The following TXNL4A variants were observed in gnomAD, a reference collection of about 807,000 sequenced individuals.
TXNL4A encodes the protein thioredoxin like 4A.
In TXNL4A, 17 loss-of-function variants were observed where a neutral mutation model predicts 14.6. That is an observed-to-expected ratio of 1.16 (90% CI 0.80 to 1.74). The LOEUF is 1.74. Among genes scored for constraint, TXNL4A ranks in the 40% most tolerant of loss-of-function variants. TXNL4A has a pLI of 0.00. For synonymous variants in TXNL4A, 83 were observed against 70.6 expected (o/e 1.18, Z -0.88); for missense variants, 74 against 195.2 (o/e 0.38, Z 3.70).
At chr18:80,010,792 TC>T (rs1224024762) in intron 1 of TXNL4A, among the ~76,000 whole-genome samples, 1 of 151,974 alleles carries the variant, frequency 6.6e-6, no homozygotes, top group Non-Finnish European at 1.5e-5. Context: ...CAGCCTGATT[TC>T]CCCCCACCCC....
chr18:80,023,346 G>A (rs1370363344), intron 1 of TXNL4A, among the ~76,000 whole-genome samples: 1 of 152,178 alleles, frequency 6.6e-6, no homozygotes, highest in African/African-American at 2.4e-5. Context: ...TAGGAAACTA[G>A]AAGTTTGGGG....
At chr18:80,032,565 C>T (rs546412855) in intron 1 of TXNL4A, among the ~76,000 whole-genome samples, 2 of 152,146 alleles carry the variant, frequency 1.3e-5, no homozygotes, top group African/African-American at 2.4e-5. Context: ...GGTGGCCAGG[C>T]GCGGTGGCTC....
chr18:80,029,727 C>T (rs569637816), intron 1 of TXNL4A, among the ~76,000 whole-genome samples: 2 of 152,302 alleles, frequency 1.3e-5, no homozygotes, highest in South Asian at 4.2e-4. Context: ...CCTAGTGCTG[C>T]TTAAACTCCA....
At chr18:79,990,861 T>A (rs375371104), upstream of TXNL4A, among the ~76,000 whole-genome samples, 161 of 152,150 alleles carry the variant, frequency 1.1e-3, 1 homozygote, top group East Asian at 0.028. Flanking sequence ...TCCCAGCACT[T>A]TGGGAGGCCG....
upstream of TXNL4A, among the ~76,000 whole-genome samples, chr18:79,990,221 A>G (rs2051617113): frequency 6.6e-6 from 1 of 152,258 alleles, no homozygotes; most frequent in Non-Finnish European, 1.5e-5. Flanking sequence ...TTTTTACATA[A>G]TACAGAATAT....
At position 80,024,668 on chromosome 18, in the gene TXNL4A, G is replaced by A. The variant is rs1455665061; in HGVS notation, c.-61+9183C>T. Among the ~76,000 whole-genome samples, 5 of 152,268 alleles carry A rather than the reference G, an allele frequency of 3.3e-5. No individual in the cohort carries two copies. The East Asian group carries it at 7.7e-4, about 24-fold the overall frequency. Reference sequence around the variant, plus strand: ...GTCTGGGAGAAACGCTCCCTAAGACGTGCAGCAGCTCCAAATAGGTTTCCT... The same window carrying A: ...GTCTGGGAGAAACGCTCCCTAAGACATGCAGCAGCTCCAAATAGGTTTCCT... On this transcript the variant is annotated intron_variant, in intron 1 of 2. Transcript: ENST00000585474.
upstream of TXNL4A, among the ~76,000 whole-genome samples, chr18:79,989,980 A>G (rs1424037462): frequency 6.6e-6 from 1 of 151,654 alleles, no homozygotes; most frequent in African/African-American, 2.4e-5. Context: ...TGGGTGACAG[A>G]GTGAGACTCC....
chr18:80,028,514 C>T (rs1436638418), intron 1 of TXNL4A, among the ~76,000 whole-genome samples: 4 of 152,198 alleles, frequency 2.6e-5, no homozygotes, highest in Non-Finnish European at 4.4e-5. Flanking sequence ...TGACTTCTCA[C>T]CTCCAGGACA....
intron 1 of TXNL4A, among the ~76,000 whole-genome samples, chr18:80,021,620 C>A (rs1184842819): frequency 6.6e-6 from 1 of 152,182 alleles, no homozygotes; most frequent in African/African-American, 2.4e-5. Context: ...TTAGGAACCA[C>A]TGGATGGATT....
At chr18:79,999,557 AG>A (rs1309606254) in intron 1 of TXNL4A, among the ~76,000 whole-genome samples, 2 of 150,584 alleles carry the variant, frequency 1.3e-5, no homozygotes, top group Middle Eastern at 3.2e-3. Flanking sequence ...AAAAAAAAAA[AG>A]CTATTCTAAA....
At chr18:79,983,789 T>C (rs1456266570) in intron 1 of TXNL4A, among the ~76,000 whole-genome samples, 3 of 152,110 alleles carry the variant, frequency 2.0e-5, no homozygotes, top group African/African-American at 7.2e-5. Flanking sequence ...GTGACAGGAG[T>C]GCTCTAGAAA....
At chr18:79,998,076 G>C (rs545200821) in intron 1 of TXNL4A, among the ~76,000 whole-genome samples, 1 of 152,030 alleles carries the variant, frequency 6.6e-6, no homozygotes, top group Admixed American at 6.5e-5. Flanking sequence ...GGTGGATCAC[G>C]AGGTCAGGAG....
chr18:79,983,847 C>T (rs1238900013), intron 1 of TXNL4A, among the ~76,000 whole-genome samples: 1 of 152,202 alleles, frequency 6.6e-6, no homozygotes, highest in Admixed American at 6.5e-5. Context: ...CAAGTATGCC[C>T]TTTTTACAGG....
intron 1 of TXNL4A, among the ~76,000 whole-genome samples, chr18:80,022,316 C>T (rs1209672124): frequency 6.6e-6 from 1 of 151,930 alleles, no homozygotes; most frequent in African/African-American, 2.4e-5. Flanking sequence ...GGGTTTTTTT[C>T]TTGACTCTGG....
intron 1 of TXNL4A, among the ~76,000 whole-genome samples, chr18:80,014,510 C>T (rs1267123252): frequency 2.0e-5 from 3 of 152,190 alleles, no homozygotes; most frequent in Non-Finnish European, 4.4e-5. Context: ...CTTCGGGTCT[C>T]GCATCCAGGT....
chr18:80,012,053 C>T (rs12607144), intron 1 of TXNL4A, among the ~76,000 whole-genome samples: 17,038 of 152,074 alleles, frequency 0.11, 1,167 homozygotes, highest in East Asian at 0.27. Context: ...GCTCTGGACG[C>T]GCCTTTTAAA....
chr18:80,019,316 T>C (rs1017497652), intron 1 of TXNL4A, among the ~76,000 whole-genome samples: 4 of 152,134 alleles, frequency 2.6e-5, no homozygotes, highest in Non-Finnish European at 5.9e-5. Context: ...TCTTACATGG[T>C]GGCAGCAAGA....
rs1422294605 is a variant in TXNL4A, at chr18:79,971,330, CTTTT to C, written c.*2351_*2354del. 3 of 152,256 alleles carry C rather than the reference CTTTT, an allele frequency of 2.0e-5. No individual in the cohort carries two copies. Among genetic ancestry groups the C allele is most frequent in the Admixed American group, 1.3e-4 (2 of 15,270 alleles). 9.4% of individuals were successfully genotyped at this position (152,256 alleles called of 1,614,324 possible). The stretch of plus-strand genomic sequence containing the variant: ...GGTCAAATGGTAACACCATGTTTAT[CTTTT>C]TTTATTTTTTTGAGACAGGGTCTTG... On this transcript the variant is annotated 3_prime_UTR_variant, in exon 3 of 3. Transcript: ENST00000269601.
At position 79,981,679 on chromosome 18, in the gene TXNL4A, C is replaced by T. The variant is rs1369186013; in HGVS notation, c.154-3978G>A. Among the ~76,000 whole-genome samples the T allele has an allele frequency of 2.0e-5, 3 of 152,090 alleles. 1 individual carries two copies. The highest frequency in any genetic ancestry group is 1.3e-4 in the Admixed American group (2 of 15,266). On this transcript the variant is annotated intron_variant, in intron 1 of 2. Transcript: ENST00000269601. The stretch of plus-strand genomic sequence containing the variant: ...AAAGCGAGACTCCTTCTCAAACTAA[C>T]AACAACAACAATAATCAGAGGGCAA...
Sources: allele counts gnomAD v4.1 joint callset (sites outside exome capture counted in the v4.1 genomes callset), GRCh38; gene constraint gnomAD v4.1.1; transcripts MANE v1.5; gene names NCBI Gene and HGNC (gene_info 2026-07-23, HGNC 2026-07-21).